The following TMEM178B variants were observed in gnomAD, a reference collection of about 807,000 sequenced individuals.
TMEM178B encodes the protein transmembrane protein 178B.
In TMEM178B, 5 loss-of-function variants were observed where a neutral mutation model predicts 31.0. The observed-to-expected ratio is 0.16, with a 90% CI of 0.08 to 0.34. The LOEUF is 0.34. Ranked by LOEUF, TMEM178B falls within the 10% of genes least tolerant of loss-of-function variation. TMEM178B has a pLI of 1.00. For missense variants in TMEM178B, 275 were observed against 400.3 expected, an observed-to-expected ratio of 0.69 and a Z score of 2.67; for synonymous variants, 164 against 164.0, an observed-to-expected ratio of 1.00 and a Z score of 0.00.
rs1039560626 is a variant in TMEM178B at position 141,434,177 on chromosome 7, C to G, written c.497-3431C>G. On this transcript the variant is annotated intron_variant, in intron 2 of 3. Coordinates refer to ENST00000565468, the MANE Select transcript of TMEM178B (RefSeq NM_001195278.2). ...TCCCTCTTTTTCTAATTTGCATTTC[C>G]ATTTTGTTTTTCTGCCCAGCCCACT... is the stretch of plus-strand genomic sequence containing the variant. Among the ~76,000 whole-genome samples, 6 of 152,262 alleles carry G rather than the reference C, an allele frequency of 3.9e-5. No individual in the cohort carries two copies. In the South Asian group the frequency reaches 8.3e-4, roughly 21 times the overall value.
intron 2 of TMEM178B, among the ~76,000 whole-genome samples, chr7:141,281,852 GCCTGGGGGC>G (rs1798367110): frequency 1.3e-5 from 2 of 152,180 alleles, no homozygotes; most frequent in Admixed American, 6.5e-5. Context: ...TGGCAGGCAG[GCCTGGGGGC>G]CCAGTCAAGA....
rs1028774316 is a variant in TMEM178B at position 141,476,486 on chromosome 7, C to T, written c.*5700C>T. 1 of 151,930 alleles carries T rather than the reference C, an allele frequency of 6.6e-6. No homozygotes were observed. 9.4% of individuals were successfully genotyped at this position (151,930 alleles called of 1,614,324 possible). A position where few individuals can be genotyped will look rare whatever the true frequency, so the allele number is the denominator to read the frequency against. On this transcript the variant is annotated 3_prime_UTR_variant, in exon 4 of 4. Transcript: ENST00000565468. ...TAACGTTATTTCTAGCTGTACATTC[C>T]CAAAAGGAATGGGTGGAAGCAAATC...
rs1462482276 is a variant in TMEM178B at position 141,281,786 on chromosome 7, G to A, written c.496+69082G>A. 2.6e-5 allele frequency among the ~76,000 whole-genome samples: 4 copies of A among 152,288 alleles called. No homozygotes were observed. In the East Asian group the frequency reaches 7.7e-4, roughly 29 times the overall value. On this transcript the variant is annotated intron_variant, in intron 2 of 3. Transcript: ENST00000565468. ...AGCATGTGTGCAAAGGGAGGGACAC[G>A]ACATTGTGGAGGTGCAAGTGAATGA... is the stretch of plus-strand genomic sequence containing the variant.
At chr7:141,211,833 T>G (rs1398797490) in intron 1 of TMEM178B, among the ~76,000 whole-genome samples, 1 of 152,210 alleles carries the variant, frequency 6.6e-6, no homozygotes, top group African/African-American at 2.4e-5. Context: ...TGCCAGGCTC[T>G]ACTTCCTAGT....
intron 1 of TMEM178B, among the ~76,000 whole-genome samples, chr7:141,203,963 A>G (rs2129186692): frequency 1.3e-5 from 2 of 152,344 alleles, no homozygotes; most frequent in Middle Eastern, 6.8e-3. Context: ...CAAGAGAGGA[A>G]AGGGCCTTGG....
chr7:141,505,788 G>C, the TMEM178B span, among the ~76,000 whole-genome samples: 1 of 152,210 alleles, frequency 6.6e-6, no homozygotes, highest in Non-Finnish European at 1.5e-5. Context: ...CTGTGCAGTT[G>C]GTGGCCTCTG....
intron 1 of TMEM178B, among the ~76,000 whole-genome samples, chr7:141,203,154 C>A (rs1195088124): frequency 6.6e-6 from 1 of 152,158 alleles, no homozygotes; most frequent in Non-Finnish European, 1.5e-5. Context: ...TCACTTTTTT[C>A]TTTTTTGAGA....
At chr7:141,335,329 G>A (rs753912038) in intron 2 of TMEM178B, among the ~76,000 whole-genome samples, 7 of 152,146 alleles carry the variant, frequency 4.6e-5, no homozygotes, top group Non-Finnish European at 1.0e-4. Flanking sequence ...TGCCACCAGG[G>A]TCCCTATCTG....
intron 2 of TMEM178B, among the ~76,000 whole-genome samples, chr7:141,379,723 G>T (rs1481399432): frequency 6.6e-6 from 1 of 152,146 alleles, no homozygotes; most frequent in African/African-American, 2.4e-5. Context: ...GAGCTTCATA[G>T]ATTCATATGG....
intron 1 of TMEM178B, among the ~76,000 whole-genome samples, chr7:141,121,946 T>C (rs1176982665): frequency 9.9e-5 from 15 of 152,208 alleles, no homozygotes; most frequent in Admixed American, 9.8e-4. Flanking sequence ...TTTCATCTGT[T>C]GAAGTCTCCT....
At chr7:141,144,434 A>C (rs529711884) in intron 1 of TMEM178B, among the ~76,000 whole-genome samples, 1 of 152,368 alleles carries the variant, frequency 6.6e-6, no homozygotes, top group African/African-American at 2.4e-5. Flanking sequence ...AGAAGTACAA[A>C]TAGAGGCTCA....
the TMEM178B span, among the ~76,000 whole-genome samples, chr7:141,497,390 T>G: frequency 6.6e-6 from 1 of 152,200 alleles, no homozygotes; most frequent in Admixed American, 6.5e-5. Context: ...AGAAAATGGT[T>G]GCCTTTAGCA....
intron 2 of TMEM178B, among the ~76,000 whole-genome samples, chr7:141,425,917 C>G (rs556414912): frequency 1.3e-4 from 20 of 152,306 alleles, no homozygotes; most frequent in African/African-American, 4.1e-4. Flanking sequence ...CCTTCCCCCC[C>G]TATCTCTTCC....
chr7:141,262,878 T>C (rs191808624), intron 2 of TMEM178B, among the ~76,000 whole-genome samples: 2 of 152,342 alleles, frequency 1.3e-5, no homozygotes, highest in African/African-American at 2.4e-5. Context: ...AAGGAAGATA[T>C]TGTGGCTAGT....
chr7:141,277,403 C>T (rs1314838394), intron 2 of TMEM178B, among the ~76,000 whole-genome samples: 2 of 152,176 alleles, frequency 1.3e-5, no homozygotes, highest in Non-Finnish European at 2.9e-5. Context: ...ATCTCGCTGT[C>T]TTCCACCTCC....
chr7:141,174,714 A>G (rs920054079), intron 1 of TMEM178B, among the ~76,000 whole-genome samples: 5 of 152,210 alleles, frequency 3.3e-5, no homozygotes, highest in Non-Finnish European at 5.9e-5. Flanking sequence ...GATGACCAGT[A>G]ATGATGAGCT....
At chr7:141,431,282 T>A (rs1773161822) in intron 2 of TMEM178B, 1 of 152,126 alleles carries the variant, frequency 6.6e-6, no homozygotes, top group South Asian at 2.1e-4. Flanking sequence ...CTCTAAGTGG[T>A]GTTTATTTAA....
chr7:141,316,645 T>A (rs1799010995), intron 2 of TMEM178B, among the ~76,000 whole-genome samples: 1 of 152,168 alleles, frequency 6.6e-6, no homozygotes, highest in Non-Finnish European at 1.5e-5. Flanking sequence ...TGCAAGTATC[T>A]ATTGAGTACC....
At chr7:141,244,248 G>A (rs139669178) in intron 2 of TMEM178B, among the ~76,000 whole-genome samples, 1 of 152,106 alleles carries the variant, frequency 6.6e-6, no homozygotes, top group African/African-American at 2.4e-5. Context: ...CATAACTGAC[G>A]GTGTAAAACG....
Sources: gnomAD v4.1 joint callset for allele counts (sites outside exome capture counted in the v4.1 genomes callset) on GRCh38, gnomAD v4.1.1 for gene constraint, MANE v1.5 for transcripts, NCBI Gene and HGNC (gene_info 2026-07-23, HGNC 2026-07-21) for gene names.